Variants in RIMBP2 observed in about 807,000 individuals in gnomAD.
RIMBP2 encodes the protein RIMS binding protein 2.
Under a neutral mutation model 118.6 loss-of-function variants are expected in RIMBP2, and 48 were observed. The ratio of observed to expected loss-of-function variants is 0.40; its 90% CI spans 0.32 to 0.51. The LOEUF (loss-of-function observed/expected upper bound fraction) is 0.51. Ranked by LOEUF, RIMBP2 falls within the 20% of genes least tolerant of loss-of-function variation. The pLI, the probability that RIMBP2 is intolerant of heterozygous loss-of-function variation, is 0.41. For missense variants in RIMBP2, 1,551 were observed against 1,768.3 expected, an observed-to-expected ratio of 0.88 and a Z score of 2.20; for synonymous variants, 762 against 742.9, an observed-to-expected ratio of 1.03 and a Z score of -0.42.
chr12:130,674,033 G>A (rs376771133), intron 1 of RIMBP2, among the ~76,000 whole-genome samples: 4 of 151,992 alleles, frequency 2.6e-5, no homozygotes, highest in East Asian at 1.9e-4. Context: ...CAGGAGAATC[G>A]CTTGAACCTG....
At chr12:130,474,713 G>A (rs1441332318) in intron 5 of RIMBP2, among the ~76,000 whole-genome samples, 2 of 152,352 alleles carry the variant, frequency 1.3e-5, no homozygotes, top group East Asian at 3.9e-4. Context: ...ACGGTCCAGG[G>A]AGAGGAGGAA....
intron 3 of RIMBP2, among the ~76,000 whole-genome samples, chr12:130,508,310 CCTT>C (rs1006274781): frequency 6.6e-5 from 10 of 151,842 alleles, no homozygotes; most frequent in African/African-American, 2.2e-4. Context: ...CTGCTTGAAA[CCTT>C]CTGTGGTTTC....
rs1593315968 is a variant in RIMBP2, at chr12:130,442,776, G to A, written c.692-116C>T. On this transcript the variant is annotated intron_variant, in intron 10 of 22. Transcript: ENST00000690449. This position sits in a 1 kb window ranked among gnomAD's most constrained non-coding sequence, Gnocchi z 6.9. ...TAAGGCAGAGCAACAGGGTTGCCCT[G>A]GGGCTCCTCCGCTGTTCCCAGGAGT... The A allele has an allele frequency of 4.7e-6, 4 of 854,788 alleles. No homozygotes were observed. The East Asian group carries it at 8.0e-5, about 17-fold the overall frequency. 53.0% of individuals were successfully genotyped at this position (854,788 alleles called of 1,614,324 possible). A position where few individuals can be genotyped will look rare whatever the true frequency, so the allele number is the denominator to read the frequency against.
chr12:130,662,287 G>A (rs80093778), intron 1 of RIMBP2, among the ~76,000 whole-genome samples: 2,020 of 152,228 alleles, frequency 0.013, 28 homozygotes, highest in East Asian at 0.065. Flanking sequence ...CGAGTCTCGC[G>A]TCTCCTCCTT....
intron 19 of RIMBP2, among the ~76,000 whole-genome samples, chr12:130,408,503 G>C (rs1023990323): frequency 6.6e-6 from 1 of 152,166 alleles, no homozygotes; most frequent in Non-Finnish European, 1.5e-5. Context: ...GCCACAGATC[G>C]GGGCCTGGGC....
In RIMBP2 at chr12:130,434,425, G is replaced by A. The variant is rs1250167879; in HGVS notation, c.2253+309C>T. ...GGTGAATGAGCGAATGGCAGGTTCT[G>A]CCTGAACTGAGCCTAACCCTACCCG... On this transcript the variant is annotated intron_variant, in intron 14 of 22. Coordinates refer to ENST00000690449, the MANE Select transcript of RIMBP2 (RefSeq NM_001393629.1). This position sits in a 1 kb window ranked among gnomAD's most constrained non-coding sequence, Gnocchi z 5.7. Among the ~76,000 whole-genome samples the A allele has an allele frequency of 6.6e-6, 1 of 152,192 alleles. No individual in the cohort carries two copies. The highest frequency in any genetic ancestry group is 1.5e-5 in the Non-Finnish European group (1 of 68,036).
chr12:130,644,626 A>C (rs184653261), intron 1 of RIMBP2, among the ~76,000 whole-genome samples: 2 of 152,328 alleles, frequency 1.3e-5, no homozygotes, highest in East Asian at 3.9e-4. Context: ...CCCAGGAATT[A>C]CGGGAGACAT....
intron 5 of RIMBP2, among the ~76,000 whole-genome samples, chr12:130,476,940 C>T (rs545317877): frequency 1.3e-5 from 2 of 152,302 alleles, no homozygotes; most frequent in South Asian, 2.1e-4. Flanking sequence ...GCAACGACCA[C>T]CCACGTGGAA....
intron 14 of RIMBP2, among the ~76,000 whole-genome samples, chr12:130,432,486 C>A (rs1451864891): frequency 6.6e-6 from 1 of 152,174 alleles, no homozygotes; most frequent in African/African-American, 2.4e-5. Flanking sequence ...CCCCACCCCA[C>A]CCTATTCAGA....
chr12:130,549,094 T>C (rs574049797), intron 2 of RIMBP2, among the ~76,000 whole-genome samples: 4 of 152,300 alleles, frequency 2.6e-5, no homozygotes, highest in South Asian at 4.1e-4. Flanking sequence ...TTGTAAGAAA[T>C]GCAGACATAG....
intron 2 of RIMBP2, among the ~76,000 whole-genome samples, chr12:130,567,327 G>C (rs2057290289): frequency 6.6e-6 from 1 of 152,208 alleles, no homozygotes; most frequent in African/African-American, 2.4e-5. Flanking sequence ...AGAGTCCCTT[G>C]TCCCACCACA....
intron 2 of RIMBP2, among the ~76,000 whole-genome samples, chr12:130,574,369 C>T (rs2140103091): frequency 6.6e-6 from 1 of 152,210 alleles, no homozygotes; most frequent in East Asian, 1.9e-4. Flanking sequence ...AACTCAGCCT[C>T]AAGGAGCTCC....
chr12:130,476,176 T>C (rs149967847), intron 5 of RIMBP2, among the ~76,000 whole-genome samples: 1,723 of 152,050 alleles, frequency 0.011, 17 homozygotes, highest in Middle Eastern at 0.027. Flanking sequence ...GGCCTCCGGG[T>C]CAAAGAAAAC....
chr12:130,670,759 A>G lies in RIMBP2; in HGVS notation c.-351-42303T>C, dbSNP rs777703119. Among the ~76,000 whole-genome samples the G allele has an allele frequency of 6.6e-6, 1 of 152,106 alleles. No homozygotes were observed. The highest frequency in any genetic ancestry group is 1.5e-5 in the Non-Finnish European group (1 of 68,020). On this transcript the variant is annotated intron_variant, in intron 1 of 22. Transcript: ENST00000690449. This position sits in a 1 kb window ranked among gnomAD's most constrained non-coding sequence, Gnocchi z 4.9. Reference sequence around the variant, plus strand: ...AGAAGTCTGTTAAAGAAGATTTAGGAAGACTTTTCTTTCCATTTATTTATT... The same window carrying G: ...AGAAGTCTGTTAAAGAAGATTTAGGGAGACTTTTCTTTCCATTTATTTATT...
At chr12:130,677,978 C>A (rs2064578800) in intron 1 of RIMBP2, among the ~76,000 whole-genome samples, 1 of 152,264 alleles carries the variant, frequency 6.6e-6, no homozygotes, top group African/African-American at 2.4e-5. Context: ...CTCTCTGCAC[C>A]CACCGTGCTC....
rs1239120119 is a variant in RIMBP2 at position 130,623,125 on chromosome 12, T to C, written c.-217+5197A>G. On this transcript the variant is annotated intron_variant, in intron 2 of 22. Transcript: ENST00000690449. This position sits in a 1 kb window ranked among gnomAD's most constrained non-coding sequence, Gnocchi z 4.1. ...ACATATAAAACGAAGGTCAACTGAA[T>C]ACTATTAAAGACTGAGGTAATTCCA... 6.6e-6 allele frequency among the ~76,000 whole-genome samples: 1 copy of C among 152,236 alleles called. No individual in the cohort carries two copies. Among genetic ancestry groups the C allele is most frequent in the African/African-American group, 2.4e-5 (1 of 41,456 alleles).
intron 2 of RIMBP2, among the ~76,000 whole-genome samples, chr12:130,608,368 T>G (rs2060311374): frequency 6.6e-6 from 1 of 152,248 alleles, no homozygotes; most frequent in Non-Finnish European, 1.5e-5. Flanking sequence ...GCATTGCATG[T>G]AGCCTCCTGC....
In RIMBP2 at chr12:130,434,892, A is replaced by G; in HGVS notation, c.2107-12T>C. 6.2e-7 allele frequency: 1 copy of G among 1,600,360 alleles called. No homozygotes were observed. Among genetic ancestry groups the G allele is most frequent in the African/African-American group, 1.3e-5 (1 of 74,396 alleles). On this transcript the variant is annotated splice_polypyrimidine_tract_variant and intron_variant, in intron 13 of 22. Transcript: ENST00000690449. The surrounding 1 kb of genome is among the most constrained non-coding windows in gnomAD (Gnocchi z 5.7). ...CTCCTTTTCTCTAACTTGGAAAGAA[A>G]AAGGAGGCACACGGGTGAGGCAGGG...
At chr12:130,538,754 G>A (rs1464995591) in intron 2 of RIMBP2, among the ~76,000 whole-genome samples, 1 of 152,190 alleles carries the variant, frequency 6.6e-6, no homozygotes, top group African/African-American at 2.4e-5. Context: ...AATACAGCCT[G>A]CTTCCCAACC....
Sources: gnomAD v4.1 joint callset for allele counts (sites outside exome capture counted in the v4.1 genomes callset) on GRCh38, gnomAD v4.1.1 for gene constraint, Gnocchi (gnomAD v3.1) non-coding constraint, MANE v1.5 for transcripts, NCBI Gene and HGNC (gene_info 2026-07-23, HGNC 2026-07-21) for gene names.